The following DDC variants were observed in gnomAD, a reference collection of about 807,000 sequenced individuals.
DDC encodes dopa decarboxylase.
A neutral mutation model predicts 60.0 loss-of-function variants in DDC; 43 were observed. That is an observed-to-expected ratio of 0.72 (90% confidence interval 0.56 to 0.92). The LOEUF (loss-of-function observed/expected upper bound fraction) is 0.92. Among genes scored for constraint, DDC ranks in the 40% least tolerant of loss-of-function variants. The pLI is 0.00. For missense variants in DDC, 573 were observed against 620.2 expected, an observed-to-expected ratio of 0.92 and a Z score of 0.81; for synonymous variants, 232 against 234.6, an observed-to-expected ratio of 0.99 and a Z score of 0.10.
At chr7:50,501,160 G>C (rs1004735954) in intron 7 of DDC, among the ~76,000 whole-genome samples, 9 of 152,238 alleles carry the variant, frequency 5.9e-5, no homozygotes, top group African/African-American at 2.2e-4. Flanking sequence ...GCTTCCTGCT[G>C]TCAGTGACTC....
intron 13 of DDC, among the ~76,000 whole-genome samples, chr7:50,466,014 C>T (rs1390381506): frequency 6.6e-6 from 1 of 152,226 alleles, no homozygotes; most frequent in Non-Finnish European, 1.5e-5. Flanking sequence ...TGCAGCTCCT[C>T]CTCGCCTCAG....
At chr7:50,513,639 C>T (rs895108261) in intron 6 of DDC, among the ~76,000 whole-genome samples, 1 of 152,200 alleles carries the variant, frequency 6.6e-6, no homozygotes, top group Admixed American at 6.5e-5. Context: ...GGCAGGGGCA[C>T]GGTGGGAGGG....
chr7:50,531,653 A>AAC (rs1048645065), intron 4 of DDC: 1 of 152,070 alleles, frequency 6.6e-6, no homozygotes, highest in Non-Finnish European at 1.5e-5. Context: ...GATGTTTTAA[A>AAC]AGCCTGAAGG....
intron 13 of DDC, among the ~76,000 whole-genome samples, chr7:50,465,051 A>G (rs1196286157): frequency 1.3e-5 from 2 of 152,268 alleles, no homozygotes; most frequent in Non-Finnish European, 2.9e-5. Context: ...ACTATATGGC[A>G]TGAGAGAAGA....
Position 50,563,166 on chromosome 7 carries a change from CAA to C in DDC, c.-29+2117_-29+2118del, listed in dbSNP as rs11306685. Among the ~76,000 whole-genome samples the C allele has an allele frequency of 9.1e-3, 1,047 of 115,094 alleles. 8 individuals carry two copies. The highest frequency in any genetic ancestry group is 0.025 in the African/African-American group (768 of 30,146). 75.5% of individuals were successfully genotyped at this position (115,094 alleles called of 152,430 possible). ...TGGGTGGCAGGGTGAGACTCCATCTCAAAAAAAAAAAAAAAAAAGTCCAGACA... is the reference window on the plus strand; with the variant it reads ...TGGGTGGCAGGGTGAGACTCCATCTCAAAAAAAAAAAAAAAAGTCCAGACA... On this transcript the variant is annotated intron_variant, in intron 1 of 14. Transcript: ENST00000444124.
At chr7:50,502,329 G>C (rs1324094871) in intron 7 of DDC, among the ~76,000 whole-genome samples, 4 of 152,178 alleles carry the variant, frequency 2.6e-5, no homozygotes, top group Admixed American at 1.3e-4. Context: ...GACACACGCT[G>C]GCTGTCATCT....
rs573789122 is a variant in DDC at position 50,561,407 on chromosome 7, G to A, written c.-29+3878C>T. 5.9e-5 allele frequency among the ~76,000 whole-genome samples: 9 copies of A among 152,258 alleles called. No individual in the cohort carries two copies. In the East Asian group the frequency reaches 7.7e-4, roughly 13 times the overall value. On this transcript the variant is annotated intron_variant, in intron 1 of 14. Transcript: ENST00000444124. ...ACTCCAAGGGTGAGGAAGGGACGGC[G>A]TGGCATTTGGGGAGTGCTCACTCTG... is the stretch of plus-strand genomic sequence containing the variant.
chr7:50,555,239 G>A (rs553916569), intron 1 of DDC, among the ~76,000 whole-genome samples: 2 of 131,720 alleles, frequency 1.5e-5, no homozygotes, highest in Admixed American at 7.0e-5. Context: ...ACCACAATCC[G>A]GGTGTCCTGG....
chr7:50,550,608 C>T (rs771792953), intron 1 of DDC, among the ~76,000 whole-genome samples: 15 of 152,182 alleles, frequency 9.9e-5, no homozygotes, highest in Admixed American at 3.3e-4. Context: ...AGACAGGAGA[C>T]ATCAATCAAT....
intron 7 of DDC, among the ~76,000 whole-genome samples, chr7:50,501,248 G>A (rs576871803): frequency 6.6e-6 from 1 of 152,184 alleles, no homozygotes; most frequent in African/African-American, 2.4e-5. Flanking sequence ...CAGTTATGCT[G>A]GCACCTCAGG....
chr7:50,461,208 T>G (rs911222175), intron 14 of DDC, among the ~76,000 whole-genome samples: 1 of 152,236 alleles, frequency 6.6e-6, no homozygotes, highest in Admixed American at 6.5e-5. Flanking sequence ...GAATTTTTAT[T>G]GCCAATCTGG....
rs1263758075 is a variant in DDC, at chr7:50,459,992, G to A, written c.*19-1149C>T. On this transcript the variant is annotated intron_variant, in intron 14 of 14. Transcript: ENST00000444124. ...TGGGAGGTGAGGGGCGCCTCTGCCC[G>A]GCTGCCCCTACTGGGAAGTGAGGAT... Among the ~76,000 whole-genome samples the A allele has an allele frequency of 1.5e-4, 21 of 141,082 alleles. No homozygotes were observed. The East Asian group carries it at 3.9e-3, about 26-fold the overall frequency. 92.6% of individuals were successfully genotyped at this position (141,082 alleles called of 152,430 possible). A position where few individuals can be genotyped will look rare whatever the true frequency, so the allele number is the denominator to read the frequency against.
At position 50,518,054 on chromosome 7, in the gene DDC, C is replaced by CA. The variant is rs1250777147; in HGVS notation, c.714+10082dup. On this transcript the variant is annotated intron_variant, in intron 6 of 14. Transcript: ENST00000444124. ...GAAACCCCATCTCTACTAAAAAATA[C>CA]AAAAAAATTAGCCAGGCGTGGTGGC... is the stretch of plus-strand genomic sequence containing the variant. 6.6e-5 allele frequency among the ~76,000 whole-genome samples: 10 copies of CA among 151,284 alleles called. No homozygotes were observed. The East Asian group carries it at 9.8e-4, about 15-fold the overall frequency.
At chr7:50,460,295 G>A (rs1295690377) in intron 14 of DDC, among the ~76,000 whole-genome samples, 2 of 144,256 alleles carry the variant, frequency 1.4e-5, no homozygotes, top group Admixed American at 6.7e-5. Flanking sequence ...GCCTCTGCCC[G>A]GCCGCCCCTA....
intron 13 of DDC, among the ~76,000 whole-genome samples, chr7:50,466,415 G>A (rs978743383): frequency 3.3e-5 from 5 of 150,514 alleles, no homozygotes; most frequent in Admixed American, 2.7e-4. Flanking sequence ...AACCCGGGAG[G>A]CAGAGGTTGC....
intron 1 of DDC, among the ~76,000 whole-genome samples, chr7:50,549,636 G>A (rs1044836881): frequency 4.8e-5 from 7 of 146,914 alleles, no homozygotes; most frequent in South Asian, 2.2e-4. Context: ...CAGCCTGGGC[G>A]ACAGAGCAAG....
intron 13 of DDC, among the ~76,000 whole-genome samples, chr7:50,466,493 G>GAAAAA (rs57396757): frequency 6.2e-5 from 4 of 64,058 alleles, no homozygotes; most frequent in African/African-American, 9.1e-5. Context: ...TCTCCAAAAA[G>GAAAAA]AAAAAAAAAA....
At position 50,534,698 on chromosome 7, in the gene DDC, C is replaced by T. The variant is rs192810354; in HGVS notation, c.435+3162G>A. Among the ~76,000 whole-genome samples the T allele has an allele frequency of 2.7e-4, 41 of 152,218 alleles. 1 individual carries two copies. Among genetic ancestry groups the T allele is most frequent in the Admixed American group, 1.6e-3 (25 of 15,282 alleles). On this transcript the variant is annotated intron_variant, in intron 4 of 14. Transcript: ENST00000444124. ...TATAAAACTAAAAGAAAAAGTAAGT[C>T]GGCCACCAACATCGAGGCCTCTTGT...
intron 4 of DDC, among the ~76,000 whole-genome samples, chr7:50,536,872 TCAC>T (rs1275199815): frequency 6.6e-6 from 1 of 152,220 alleles, no homozygotes; most frequent in African/African-American, 2.4e-5. Context: ...GAATGGGCCT[TCAC>T]CAATTCTCAG....
Sources: allele counts gnomAD v4.1 joint callset (sites outside exome capture counted in the v4.1 genomes callset), GRCh38; gene constraint gnomAD v4.1.1; transcripts MANE v1.5; gene names NCBI Gene and HGNC (gene_info 2026-07-23, HGNC 2026-07-21).